The following HOXA3 variants were observed in gnomAD, a reference collection of about 807,000 sequenced individuals.
HOXA3 encodes homeobox protein Hox-A3.
A neutral mutation model predicts 30.3 loss-of-function variants in HOXA3; 8 were observed. The observed-to-expected ratio is 0.26, with a 90% CI of 0.15 to 0.48. The LOEUF (loss-of-function observed/expected upper bound fraction) is 0.48, where lower values mean the gene tolerates loss of function less well. Ranked by LOEUF, HOXA3 falls within the 20% of genes least tolerant of loss-of-function variation. HOXA3 has a pLI of 0.99. For synonymous variants in HOXA3, 323 were observed against 273.1 expected, an observed-to-expected ratio of 1.18 and a Z score of -1.80; for missense variants, 653 against 614.4, an observed-to-expected ratio of 1.06 and a Z score of -0.66.
intron 4 of HOXA3, chr7:27,121,237 G>GTGTT (rs1554337539): frequency 6.6e-6 from 1 of 151,476 alleles, no homozygotes; most frequent in Non-Finnish European, 1.5e-5. Flanking sequence ...GTGTGTGTGT[G>GTGTT]TGTGTGTGTG....
intron 4 of HOXA3, 155 bp downstream of exon 4, chr7:27,122,404 C>G (rs905338375): frequency 1.3e-5 from 2 of 152,188 alleles, no homozygotes; most frequent in Non-Finnish European, 2.9e-5. Context: ...GGGCAAGAAG[C>G]TTAAAGGAAT....
intron 1 of HOXA3, chr7:27,143,495 G>C: frequency 6.2e-7 from 1 of 1,613,860 alleles, no homozygotes; most frequent in African/African-American, 1.3e-5. Flanking sequence ...GTGCATGCTC[G>C]CCGAGTCCCT....
chr7:27,110,486 A>G lies in HOXA3; in HGVS notation c.155T>C (p.Leu52Pro). Reference protein sequence around the residue: ...DGEYHRPACSLQSPSSAGGHP... With the variant: ...DGEYHRPACSPQSPSSAGGHP... ...GCCCCCGGCGCTGGAGGGAGACTGG[A>G]GGGAGCAGGCGGGTCGGTGGTACTC... The change falls in exon 5 of 6, where the codon CTC becomes CCC. Residue 52 changes from leucine (L) to proline (P), a missense_variant. Transcript: ENST00000612286. 11 of 1,603,432 alleles carry G rather than the reference A, an allele frequency of 6.9e-6. No homozygotes were observed. Among genetic ancestry groups the G allele is most frequent in the Non-Finnish European group, 9.4e-6 (11 of 1,173,138 alleles).
At chr7:27,119,930 G>C (rs1475615866) in intron 4 of HOXA3, among the ~76,000 whole-genome samples, 2 of 152,174 alleles carry the variant, frequency 1.3e-5, no homozygotes, top group Non-Finnish European at 2.9e-5. Flanking sequence ...TCCTATCTAA[G>C]TTACAAGCTG....
chr7:27,122,046 T>G (rs1006055776), intron 4 of HOXA3: 4 of 152,684 alleles, frequency 2.6e-5, no homozygotes, highest in African/African-American at 9.7e-5. Context: ...ACAGCAATTT[T>G]TCTCATGCCG....
In HOXA3 at chr7:27,107,734, A is replaced by G; in HGVS notation, c.*181T>C. 2.0e-6 allele frequency: 1 copy of G among 487,910 alleles called. No homozygotes were observed. The allele number at this position is 487,910 out of a possible 1,614,324, so 30.2% of individuals were successfully genotyped here. On this transcript the variant is annotated 3_prime_UTR_variant, in exon 6 of 6. Transcript: ENST00000612286. Reference sequence around the variant, plus strand: ...AGCAACCAAGATTGCTACGTCACATAAACTATAAAAACGCCTTACCAACGA... The same window carrying G: ...AGCAACCAAGATTGCTACGTCACATGAACTATAAAAACGCCTTACCAACGA...
intron 1 of HOXA3, chr7:27,147,865 G>T: frequency 1.0e-6 from 1 of 953,034 alleles, no homozygotes; most frequent in Non-Finnish European, 1.5e-6. Context: ...AGCGACAGCA[G>T]CAAATCGCAC....
At chr7:27,137,883 T>C (rs960395124) in intron 2 of HOXA3, among the ~76,000 whole-genome samples, 1 of 152,208 alleles carries the variant, frequency 6.6e-6, no homozygotes, top group Non-Finnish European at 1.5e-5. Flanking sequence ...GGGTGGAATA[T>C]GGCCATGAAG....
At chr7:27,148,479 C>A (rs1327518719) in intron 1 of HOXA3, among the ~76,000 whole-genome samples, 2 of 152,270 alleles carry the variant, frequency 1.3e-5, no homozygotes, top group Admixed American at 1.3e-4. Flanking sequence ...AGGATCACCT[C>A]GAGCTGACCA....
chr7:27,140,757 T>G (rs1363502322), intron 1 of HOXA3, among the ~76,000 whole-genome samples: 3 of 73,784 alleles, frequency 4.1e-5, no homozygotes, highest in African/African-American at 6.0e-5. Flanking sequence ...GCCCTGGGTT[T>G]TTTCTCCTTT....
At chr7:27,130,091 C>T (rs758131367) in intron 2 of HOXA3, 2 of 1,576,786 alleles carry the variant, frequency 1.3e-6, no homozygotes, top group South Asian at 2.3e-5. Flanking sequence ...GGCCCACCTC[C>T]CGCGCCTCCC....
At chr7:27,140,760 TC>T (rs17471993) in intron 1 of HOXA3, among the ~76,000 whole-genome samples, 2 of 151,784 alleles carry the variant, frequency 1.3e-5, no homozygotes, top group East Asian at 3.9e-4. Flanking sequence ...CTGGGTTTTT[TC>T]TCCTTTTTTC....
intron 2 of HOXA3, chr7:27,129,447 CT>C: frequency 6.2e-7 from 1 of 1,614,198 alleles, no homozygotes; most frequent in Non-Finnish European, 8.5e-7. Flanking sequence ...TGTGGGCGAT[CT>C]CGATGCGGCG....
At position 27,107,611 on chromosome 7, in the gene HOXA3, C is replaced by A; in HGVS notation, c.*304G>T. On this transcript the variant is annotated 3_prime_UTR_variant, in exon 6 of 6. Transcript: ENST00000612286. Reference sequence around the variant, plus strand: ...TCGACTAGAAAATTTGTTCATATACCCTGTTTCTGATCAAAGAGTGGAGAA... The same window carrying A: ...TCGACTAGAAAATTTGTTCATATACACTGTTTCTGATCAAAGAGTGGAGAA... 1 of 317,934 alleles carries A rather than the reference C, an allele frequency of 3.1e-6. No homozygotes were observed. Among genetic ancestry groups the A allele is most frequent in the Non-Finnish European group, 5.7e-6 (1 of 176,140 alleles). The allele number at this position is 317,934 out of a possible 1,614,324, so 19.7% of individuals were successfully genotyped here. A position where few individuals can be genotyped will look rare whatever the true frequency, so the allele number is the denominator to read the frequency against.
At chr7:27,123,377 G>A (rs912097355) in intron 3 of HOXA3, 37 of 152,550 alleles carry the variant, frequency 2.4e-4, no homozygotes, top group African/African-American at 8.7e-4. Context: ...CTTGCGCAAC[G>A]GCCACAAGCC....
At chr7:27,129,917 A>C (rs1349869683) in intron 2 of HOXA3, 3 of 630,642 alleles carry the variant, frequency 4.8e-6, no homozygotes, top group Non-Finnish European at 8.2e-6. Context: ...TGATAAAGGG[A>C]CCCTGGGTAC....
chr7:27,151,533 C>T (rs1458436266), intron 1 of HOXA3: 20 of 454,526 alleles, frequency 4.4e-5, no homozygotes, highest in Non-Finnish European at 8.0e-5. Flanking sequence ...AAACTTCCCA[C>T]CAAGTAACAC....
chr7:27,125,467 G>A (rs1785241879), intron 3 of HOXA3, among the ~76,000 whole-genome samples: 1 of 152,260 alleles, frequency 6.6e-6, no homozygotes, highest in Non-Finnish European at 1.5e-5. Flanking sequence ...GCAGCCTAGA[G>A]GGTTTCAAGA....
intron 3 of HOXA3, chr7:27,123,763 G>A (rs1335254505): frequency 6.6e-6 from 1 of 152,378 alleles, no homozygotes; most frequent in Admixed American, 6.5e-5. Context: ...CCTGGCTTCG[G>A]AGCCCCCTAG....
Sources: gnomAD v4.1 joint callset for allele counts (sites outside exome capture counted in the v4.1 genomes callset) on GRCh38, gnomAD v4.1.1 for gene constraint, MANE v1.5 for transcripts, NCBI Gene and HGNC (gene_info 2026-07-23, HGNC 2026-07-21) for gene names.